The following NBPF3 variants were observed in gnomAD, a reference collection of about 807,000 sequenced individuals.
The protein encoded by NBPF3 is NBPF member 3.
Under a neutral mutation model 78.1 loss-of-function variants are expected in NBPF3, and 57 were observed. That is an observed-to-expected ratio of 0.73 (90% CI 0.59 to 0.91). The LOEUF is 0.91. NBPF3 is among the 40% of genes least tolerant of loss of function. The probability of loss-of-function intolerance (pLI) is 0.00; values close to 1 mark genes in which losing one functional copy is unlikely to be tolerated. For missense variants in NBPF3, 510 were observed against 715.3 expected (o/e 0.71, Z 3.27); for synonymous variants, 182 against 271.7 (o/e 0.67, Z 3.25).
intron 10 of NBPF3, among the ~76,000 whole-genome samples, chr1:21,479,820 CTGTGTGTGTGTGTG>C (rs59451117): frequency 9.7e-6 from 1 of 102,808 alleles, no homozygotes; most frequent in South Asian, 4.6e-4. Flanking sequence ...CTCTCTCTCT[CTGTGTGTGTGTGTG>C]TGTGTGTGTG....
chr1:21,474,925 G>T lies in NBPF3; in HGVS notation c.966G>T (p.Glu322Asp). The change falls in exon 8 of 15, where the codon GAG becomes GAT. Residue 322 changes from glutamate (E) to aspartate (D), a missense_variant. Coordinates refer to ENST00000318249, the MANE Select transcript of NBPF3 (RefSeq NM_032264.6). Reference sequence around the variant, plus strand: ...AAAATGAAAGTGATCATGAGCAAGAGGAAGAAAAAGGGCCAGTGTCTCCCA... The same window carrying T: ...AAAATGAAAGTGATCATGAGCAAGATGAAGAAAAAGGGCCAGTGTCTCCCA... ...IPENESDHEQ[E>D]EEKGPVSPRN... is the part of the protein sequence containing the mutation. The T allele has an allele frequency of 6.2e-7, 1 of 1,603,556 alleles. No homozygotes were observed. Among genetic ancestry groups the T allele is most frequent in the Non-Finnish European group, 8.5e-7 (1 of 1,173,326 alleles).
At chr1:21,457,352 A>ATATATATATATATATGTATG (rs1553390328) in intron 2 of NBPF3, among the ~76,000 whole-genome samples, 2 of 144,182 alleles carry the variant, frequency 1.4e-5, no homozygotes, top group African/African-American at 5.0e-5. Context: ...GTGTGTGTAT[A>ATATATATATATATATGTATG]TATATATATA....
chr1:21,473,144 G>A (rs954626465), intron 6 of NBPF3, among the ~76,000 whole-genome samples: 20 of 152,092 alleles, frequency 1.3e-4, no homozygotes, highest in Non-Finnish European at 2.4e-4. Flanking sequence ...CATCCTCCTC[G>A]GCTCCTATCT....
chr1:21,444,160 A>G (rs1479032312), intron 1 of NBPF3, among the ~76,000 whole-genome samples: 1 of 152,216 alleles, frequency 6.6e-6, no homozygotes, highest in African/African-American at 2.4e-5. Context: ...AGAATGAATG[A>G]ATGAACATAC....
chr1:21,440,025 G>C (rs1224431129), upstream of NBPF3: 3 of 152,336 alleles, frequency 2.0e-5, no homozygotes, highest in Non-Finnish European at 4.4e-5. Flanking sequence ...GTGCAGTAGA[G>C]GCCGCCGAGT....
upstream of NBPF3, chr1:21,437,490 G>T: frequency 4.1e-6 from 6 of 1,461,556 alleles, no homozygotes; most frequent in Non-Finnish European, 9.2e-7. Flanking sequence ...GACGCCCAGC[G>T]CGAGGTGCAG....
upstream of NBPF3, chr1:21,436,932 TGCA>T (rs369739990): frequency 2.3e-3 from 862 of 381,186 alleles, 7 homozygotes; most frequent in African/African-American, 0.016. This position sits in a 1 kb window ranked among gnomAD's most constrained non-coding sequence, Gnocchi z 4.3. Flanking sequence ...CGCCCTGGGG[TGCA>T]GCCAGAGCCC....
chr1:21,468,871 T>G lies in NBPF3; in HGVS notation c.317T>G (p.Phe106Cys), dbSNP rs764246996. The change falls in exon 3 of 15, where the codon TTC becomes TGC. Residue 106 changes from phenylalanine (F) to cysteine (C), a missense_variant. By Grantham distance (205) the Phe-to-Cys change is radical. Around this residue, in one of 5 missense-constraint regions of NBPF3, gnomAD observed 440 missense variants for 478.2 expected, o/e 0.92. Coordinates refer to ENST00000318249, the MANE Select transcript of NBPF3 (RefSeq NM_032264.6). ...TGTCTTGTAACTCAAGTGGCCTACT[T>G]CCTGGCCAACCGGCAAAATAATTAC... Reference protein sequence around the residue: ...QKCLVTQVAYFLANRQNNYDY... With the variant: ...QKCLVTQVAYCLANRQNNYDY... 5.6e-6 allele frequency: 9 copies of G among 1,613,984 alleles called. No homozygotes were observed. The South Asian group carries it at 9.9e-5, about 18-fold the overall frequency.
intron 2 of NBPF3, among the ~76,000 whole-genome samples, chr1:21,466,701 C>T (rs1311442339): frequency 6.6e-6 from 1 of 152,194 alleles, no homozygotes; most frequent in African/African-American, 2.4e-5. Flanking sequence ...CTTCCTATGA[C>T]TCATTCTGGT....
rs555541095 is a variant in NBPF3, at chr1:21,478,341, A to G, written c.1156+34A>G. The stretch of plus-strand genomic sequence containing the variant: ...TCCATTTTGAAGGTGATAAAGCTCC[A>G]GTTCATGTCCCAGGTAGACCCCATA... On this transcript the variant is annotated intron_variant, in intron 9 of 14. Coordinates refer to ENST00000318249, the MANE Select transcript of NBPF3 (RefSeq NM_032264.6). The G allele has an allele frequency of 1.2e-5, 20 of 1,605,838 alleles. No individual in the cohort carries two copies. In the Admixed American group the frequency reaches 2.0e-4, roughly 16 times the overall value.
Position 21,455,061 on chromosome 1 carries a change from G to T in NBPF3, c.133+9842G>T, listed in dbSNP as rs916398157. 2.6e-5 allele frequency among the ~76,000 whole-genome samples: 4 copies of T among 152,240 alleles called. No homozygotes were observed. The East Asian group carries it at 5.8e-4, about 22-fold the overall frequency. On this transcript the variant is annotated intron_variant, in intron 2 of 14. Transcript: ENST00000318249. ...GCTGGCTGTCAGCCAGGGGCCTCTC[G>T]CTGCTCCTAGAGGCCTCCCATGTTC...
upstream of NBPF3, among the ~76,000 whole-genome samples, chr1:21,438,325 G>C (rs1640470153): frequency 6.6e-6 from 1 of 151,924 alleles, no homozygotes; most frequent in African/African-American, 2.4e-5. Context: ...TGTTGGCCAG[G>C]CTGGTCTGGA....
At chr1:21,441,728 AATG>A (rs1558470526) in intron 1 of NBPF3, among the ~76,000 whole-genome samples, 3 of 140,450 alleles carry the variant, frequency 2.1e-5, no homozygotes, top group Non-Finnish European at 3.3e-5. Context: ...AAAAAAAAGT[AATG>A]AATTTTGACC....
At chr1:21,459,646 GA>G in intron 2 of NBPF3, 1 of 278,356 alleles carries the variant, frequency 3.6e-6, no homozygotes, top group Non-Finnish European at 7.5e-6. Flanking sequence ...CGGTTGAGGG[GA>G]AGGAACAAAG....
intron 2 of NBPF3, among the ~76,000 whole-genome samples, chr1:21,457,352 A>ATATATATATGTATGTG (rs1553390329): frequency 3.5e-5 from 5 of 144,206 alleles, no homozygotes; most frequent in African/African-American, 1.2e-4. Flanking sequence ...GTGTGTGTAT[A>ATATATATATGTATGTG]TATATATATA....
intron 2 of NBPF3, among the ~76,000 whole-genome samples, chr1:21,459,049 G>C (rs1258938633): frequency 6.6e-6 from 1 of 152,102 alleles, no homozygotes; most frequent in Non-Finnish European, 1.5e-5. Context: ...AATGAAGCGG[G>C]TACAAGGCCC....
Position 21,476,859 on chromosome 1 carries a change from C to T in NBPF3, c.993-1285C>T, listed in dbSNP as rs1642912471. 1.3e-5 allele frequency among the ~76,000 whole-genome samples: 2 copies of T among 152,164 alleles called. No homozygotes were observed. The highest frequency in any genetic ancestry group is 2.1e-4 in the South Asian group (1 of 4,830). On this transcript the variant is annotated intron_variant, in intron 8 of 14. Coordinates refer to ENST00000318249, the MANE Select transcript of NBPF3 (RefSeq NM_032264.6). This position sits in a 1 kb window ranked among gnomAD's most constrained non-coding sequence, Gnocchi z 4.1. Reference sequence around the variant, plus strand: ...TTGGGGAAGTTCTCCTGGATAATATCCTGAAGAGTGTTTTCCAACTTGGTT... The same window carrying T: ...TTGGGGAAGTTCTCCTGGATAATATTCTGAAGAGTGTTTTCCAACTTGGTT...
intron 1 of NBPF3, chr1:21,441,004 A>G (rs1274679047): frequency 6.6e-6 from 1 of 152,154 alleles, no homozygotes; most frequent in Non-Finnish European, 1.5e-5. Flanking sequence ...GGCTTCTTAG[A>G]TCATCATCTC....
intron 2 of NBPF3, chr1:21,449,932 G>A (rs1280512404): frequency 1.3e-5 from 4 of 308,964 alleles, no homozygotes; most frequent in Non-Finnish European, 1.9e-5. Context: ...TTGATTGATT[G>A]ATTGATTGAT....
Sources: allele counts gnomAD v4.1 joint callset (sites outside exome capture counted in the v4.1 genomes callset), GRCh38; gene constraint gnomAD v4.1.1; regional missense constraint gnomAD v4.1.1; non-coding constraint Gnocchi (gnomAD v3.1); transcripts MANE v1.5; gene names NCBI Gene and HGNC (gene_info 2026-07-23, HGNC 2026-07-21).